The following WNK2 variants were observed in gnomAD, a reference collection of about 807,000 sequenced individuals.
WNK2 encodes the protein serine/threonine-protein kinase WNK2.
Under a neutral mutation model 192.1 loss-of-function variants are expected in WNK2, and 67 were observed. The ratio of observed to expected loss-of-function variants is 0.35; its 90% CI spans 0.29 to 0.43. WNK2 has a LOEUF of 0.43. Among genes scored for constraint, WNK2 ranks in the 20% least tolerant of loss-of-function variants. WNK2 has a pLI of 1.00. For missense variants in WNK2, 2,698 were observed against 3,089.7 expected (o/e 0.87, Z 3.01); for synonymous variants, 1,439 against 1,393.9 (o/e 1.03, Z -0.72).
intron 29 of WNK2, chr9:93,318,020 G>A (rs759231582): frequency 9.9e-6 from 16 of 1,612,694 alleles, no homozygotes; most frequent in Middle Eastern, 1.6e-4. Flanking sequence ...GACCCTGTTC[G>A]CTCCTAGGTT....
chr9:93,240,980 C>T (rs73651382), intron 7 of WNK2, among the ~76,000 whole-genome samples: 5,601 of 152,234 alleles, frequency 0.037, 121 homozygotes, highest in Non-Finnish European at 0.044. Context: ...TGCCCTGGGC[C>T]GGGGGCTGTT....
intron 2 of WNK2, among the ~76,000 whole-genome samples, chr9:93,216,857 TAAAA>T (rs1564009815): frequency 6.7e-6 from 1 of 149,858 alleles, no homozygotes; most frequent in East Asian, 1.9e-4. Context: ...CAAAAAGAAC[TAAAA>T]AAAAACCAGG....
At position 93,298,019 on chromosome 9, in the gene WNK2, C is replaced by G; in HGVS notation, c.5875C>G (p.Leu1959Val). The change falls in exon 24 of 30, where the codon CTG becomes GTG. Residue 1959 changes from leucine (L) to valine (V), a missense_variant. Physicochemically the swap from Leu to Val is conservative, Grantham distance 32 (BLOSUM62 1). Transcript: ENST00000427277. Reference sequence around the variant, plus strand: ...CAAGAGCAAGCTGAAGGCAGGCAAGCTGCTAAATCCCCTGGTGCGGCAGCT... The same window carrying G: ...CAAGAGCAAGCTGAAGGCAGGCAAGGTGCTAAATCCCCTGGTGCGGCAGCT... ...TSKSKLKAGK[L>V]LNPLVRQLKV... 1 of 1,555,164 alleles carries G rather than the reference C, an allele frequency of 6.4e-7. No homozygotes were observed. Among genetic ancestry groups the G allele is most frequent in the Non-Finnish European group, 8.7e-7 (1 of 1,150,120 alleles).
At chr9:93,283,233 T>C (rs533767024) in intron 19 of WNK2, among the ~76,000 whole-genome samples, 1 of 152,248 alleles carries the variant, frequency 6.6e-6, no homozygotes, top group African/African-American at 2.4e-5. Context: ...AATAAAAGTA[T>C]GTAGTGCAAA....
At chr9:93,197,998 T>A (rs1274977843) in intron 2 of WNK2, among the ~76,000 whole-genome samples, 8 of 152,132 alleles carry the variant, frequency 5.3e-5, no homozygotes, top group African/African-American at 1.9e-4. Context: ...TCTAGAGGCA[T>A]ATTGGCTTCC....
intron 7 of WNK2, among the ~76,000 whole-genome samples, chr9:93,241,152 GA>G (rs1840692946): frequency 6.6e-6 from 1 of 152,238 alleles, no homozygotes; most frequent in Non-Finnish European, 1.5e-5. Context: ...GCAGGGCCTA[GA>G]GACAGACAGA....
intron 2 of WNK2, among the ~76,000 whole-genome samples, chr9:93,202,154 T>C (rs1425548247): frequency 1.3e-5 from 2 of 152,160 alleles, no homozygotes; most frequent in Non-Finnish European, 2.9e-5. Flanking sequence ...ACCCTGACCA[T>C]ACAAGATGGC....
At chr9:93,283,422 G>A (rs761472143) in intron 19 of WNK2, among the ~76,000 whole-genome samples, 9 of 152,166 alleles carry the variant, frequency 5.9e-5, no homozygotes, top group African/African-American at 2.2e-4. Context: ...GACTAAAGGA[G>A]AGAGAAAGAC....
At chr9:93,237,423 T>C (rs1025820523) in intron 5 of WNK2, among the ~76,000 whole-genome samples, 9 of 152,210 alleles carry the variant, frequency 5.9e-5, no homozygotes, top group African/African-American at 2.2e-4. Flanking sequence ...TTTTCTGCAG[T>C]GTGTAATCTG....
In WNK2 at chr9:93,292,894, G is replaced by T; in HGVS notation, c.5429G>T (p.Gly1810Val). 1 of 1,519,074 alleles carries T rather than the reference G, an allele frequency of 6.6e-7. No homozygotes were observed. The highest frequency in any genetic ancestry group is 8.8e-7 in the Non-Finnish European group (1 of 1,133,204). 94.1% of individuals were successfully genotyped at this position (1,519,074 alleles called of 1,614,324 possible). The change falls in exon 23 of 30, where the codon GGG (glycine) becomes GTG (valine). Residue 1810 changes from glycine (G) to valine (V), a missense_variant. Coordinates refer to ENST00000427277, the MANE Select transcript of WNK2 (RefSeq NM_006648.4). Reference protein sequence around the residue: ...GVGEPVSSDSGDEGPRARPPV... With the variant: ...GVGEPVSSDSVDEGPRARPPV... ...GGCGAGCCCGTGTCCAGCGACTCTG[G>T]GGACGAGGGCCCTCGGGCGAGACCC...
At position 93,222,972 on chromosome 9, in the gene WNK2, G is replaced by A. The variant is rs563190601; in HGVS notation, c.682-6724G>A. 3.2e-4 allele frequency among the ~76,000 whole-genome samples: 48 copies of A among 152,276 alleles called. No homozygotes were observed. The South Asian group carries it at 9.1e-3, about 29-fold the overall frequency. Reference sequence around the variant, plus strand: ...GCTGGGATTACCGGTGTGAGCCACCGTGCCCAGCCGTGATGTTCTTTTTAA... The same window carrying A: ...GCTGGGATTACCGGTGTGAGCCACCATGCCCAGCCGTGATGTTCTTTTTAA... On this transcript the variant is annotated intron_variant, in intron 2 of 29. Transcript: ENST00000427277.
At chr9:93,233,634 G>T (rs1191971256) in intron 4 of WNK2, among the ~76,000 whole-genome samples, 1 of 151,112 alleles carries the variant, frequency 6.6e-6, no homozygotes, top group Non-Finnish European at 1.5e-5. Flanking sequence ...GGTGGGAGAT[G>T]GAGGTTGCAG....
Position 93,229,501 on chromosome 9 carries a change from G to T in WNK2, c.682-195G>T, listed in dbSNP as rs747410616. Among the ~76,000 whole-genome samples, 15 of 152,132 alleles carry T rather than the reference G, an allele frequency of 9.9e-5. No individual in the cohort carries two copies. The highest frequency in any genetic ancestry group is 1.9e-4 in the Non-Finnish European group (13 of 68,004). On this transcript the variant is annotated intron_variant, in intron 2 of 29. Coordinates refer to ENST00000427277, the MANE Select transcript of WNK2 (RefSeq NM_006648.4). The surrounding 1 kb of genome is among the most constrained non-coding windows in gnomAD (Gnocchi z 4.9). The stretch of plus-strand genomic sequence containing the variant: ...TTGCTGAGGTCCCTTTTTGGGGGCT[G>T]TGTCCAGGGTTGTGGGGACTAAGGA...
chr9:93,308,371 C>T lies in WNK2; in HGVS notation c.6303C>T (p.Pro2101=). 6.4e-7 allele frequency: 1 copy of T among 1,559,538 alleles called. No homozygotes were observed. Reference sequence around the variant, plus strand: ...TGGCCCCAGGCCCTGAGCCAGGCCCCCAGCCCGCCCTGCACGTCCAGGCGC... The same window carrying T: ...TGGCCCCAGGCCCTGAGCCAGGCCCTCAGCCCGCCCTGCACGTCCAGGCGC... ...SSLAPGPEPG[P]QPALHVQAQV... The change falls in exon 28 of 30, where the codon CCC becomes CCT. Residue 2101 remains proline (P), a synonymous_variant. Coordinates refer to ENST00000427277, the MANE Select transcript of WNK2 (RefSeq NM_006648.4).
At chr9:93,318,742 C>G (rs1307483965) in intron 29 of WNK2, 4 of 1,429,704 alleles carry the variant, frequency 2.8e-6, no homozygotes, top group African/African-American at 1.4e-5. Context: ...CCGTCCAGCC[C>G]TAAGCCTGCT....
intron 28 of WNK2, among the ~76,000 whole-genome samples, chr9:93,310,065 C>T (rs934814255): frequency 1.3e-5 from 2 of 152,118 alleles, no homozygotes; most frequent in Non-Finnish European, 2.9e-5. Context: ...GCTCTTGACC[C>T]GGCTGTCAGT....
Position 93,185,346 on chromosome 9 carries a change from C to A in WNK2, c.417C>A (p.Pro139=). The A allele has an allele frequency of 6.5e-7, 1 of 1,548,190 alleles. No individual in the cohort carries two copies. The highest frequency in any genetic ancestry group is 8.7e-7 in the Non-Finnish European group (1 of 1,150,236). Residue 139 remains proline (P), a synonymous_variant, in exon 2 of 30, where the codon CCC becomes CCA. Transcript: ENST00000427277. ...IAAAVETAPA[P]DGGPREEAAA... is the part of the protein sequence containing the mutation. ...CCGCTGTCGAAACCGCGCCTGCCCC[C>A]GACGGCGGCCCCAGGGAGGAGGCGG...
At chr9:93,187,099 T>C (rs1829484793) in intron 2 of WNK2, among the ~76,000 whole-genome samples, 1 of 152,148 alleles carries the variant, frequency 6.6e-6, no homozygotes, top group African/African-American at 2.4e-5. Flanking sequence ...CACCCTCAGG[T>C]GCTGCCTCTG....
At chr9:93,242,016 G>A (rs1416593009) in intron 7 of WNK2, among the ~76,000 whole-genome samples, 5 of 152,186 alleles carry the variant, frequency 3.3e-5, no homozygotes, top group Admixed American at 6.5e-5. Context: ...CTGTAGGATG[G>A]GGTGTTCCTG....
Sources: gnomAD v4.1 joint callset for allele counts (sites outside exome capture counted in the v4.1 genomes callset) on GRCh38, gnomAD v4.1.1 for gene constraint, Gnocchi (gnomAD v3.1) non-coding constraint, MANE v1.5 for transcripts, NCBI Gene and HGNC (gene_info 2026-07-23, HGNC 2026-07-21) for gene names.